NBEA: variants seen among roughly 807,000 people sequenced by gnomAD.
NBEA encodes the protein lysosomal-trafficking regulator 2.
Under a neutral mutation model 343.4 loss-of-function variants are expected in NBEA, and 44 were observed. The ratio of observed to expected loss-of-function variants is 0.13; its 90% CI spans 0.10 to 0.16. The LOEUF (loss-of-function observed/expected upper bound fraction) is 0.16, where lower values mean the gene tolerates loss of function less well. Among genes scored for constraint, NBEA ranks in the 10% least tolerant of loss-of-function variants. The pLI, the probability that NBEA is intolerant of heterozygous loss-of-function variation, is 1.00. For synonymous variants in NBEA, 1,175 were observed against 1,238.7 expected, an observed-to-expected ratio of 0.95 and a Z score of 1.08; for missense variants, 2,555 against 3,631.3, an observed-to-expected ratio of 0.70 and a Z score of 7.62.
chr13:34,944,303 C>G (rs1305459429), intron 1 of NBEA, among the ~76,000 whole-genome samples: 1 of 152,172 alleles, frequency 6.6e-6, no homozygotes, highest in South Asian at 2.1e-4. Flanking sequence ...TTTACTTACT[C>G]TATTGGAAAA....
At chr13:35,656,879 A>G (rs1182208624) in intron 55 of NBEA, among the ~76,000 whole-genome samples, 1 of 152,230 alleles carries the variant, frequency 6.6e-6, no homozygotes, top group Non-Finnish European at 1.5e-5. Flanking sequence ...AAACCTGTGC[A>G]TCTACAACTA....
intron 54 of NBEA, among the ~76,000 whole-genome samples, chr13:35,655,304 A>G (rs755699199): frequency 3.3e-5 from 5 of 152,330 alleles, no homozygotes; most frequent in Admixed American, 6.5e-5. Flanking sequence ...AACCCTGAAG[A>G]GAAAAATCGT....
chr13:34,988,248 A>G lies in NBEA; in HGVS notation c.294+45134A>G, dbSNP rs190415047. 1.7e-4 allele frequency among the ~76,000 whole-genome samples: 26 copies of G among 151,196 alleles called. No individual in the cohort carries two copies. In the South Asian group the frequency reaches 2.3e-3, roughly 13 times the overall value. On this transcript the variant is annotated intron_variant, in intron 1 of 58. Coordinates refer to ENST00000379939, the MANE Select transcript of NBEA (RefSeq NM_001385012.1). ...TGTCTCCCAGTTAGCCAGTTAGGCT[A>G]CACGGGGGTCAGGGAGGAGGTAGTC...
intron 45 of NBEA, among the ~76,000 whole-genome samples, chr13:35,576,787 G>T (rs767382161): frequency 4.1e-4 from 62 of 152,186 alleles, no homozygotes; most frequent in Non-Finnish European, 7.5e-4. Context: ...TGATTTATTT[G>T]CCAATAGCAT....
chr13:35,593,267 A>G, intron 46 of NBEA, 61 bp from the exon 47 acceptor site: 1 of 1,572,314 alleles, frequency 6.4e-7, no homozygotes, highest in Non-Finnish European at 8.6e-7. Context: ...CATGTTTCAC[A>G]AAGGAACGAG....
chr13:35,311,605 G>A (rs973437498), intron 36 of NBEA, among the ~76,000 whole-genome samples: 2 of 152,148 alleles, frequency 1.3e-5, no homozygotes, highest in African/African-American at 4.8e-5. Context: ...TGTAATCCCA[G>A]CACTTTGGGA....
In NBEA at chr13:35,606,529, T is replaced by C; in HGVS notation, c.7400T>C (p.Leu2467Pro). 6.2e-7 allele frequency: 1 copy of C among 1,608,390 alleles called. No homozygotes were observed. Among genetic ancestry groups the C allele is most frequent in the South Asian group, 1.1e-5 (1 of 90,270 alleles). The change falls in exon 48 of 59, where the codon CTT becomes CCT. Residue 2467 changes from leucine to proline, a missense_variant. Leu to Pro is a moderately conservative substitution (Grantham distance 98). Around this residue, in one of 21 missense-constraint regions of NBEA, gnomAD observed 156 missense variants for 185.8 expected, o/e 0.84. Transcript: ENST00000379939. Reference protein sequence around the residue: ...EDEVVVNDVDLPPWAKKPEDF... With the variant: ...EDEVVVNDVDPPPWAKKPEDF... ...GAAGTAGTGGTAAATGATGTTGATC[T>C]TCCCCCTTGGGCAAAAAAACCTGAA...
At chr13:35,218,276 T>A (rs1332268725) in intron 33 of NBEA, among the ~76,000 whole-genome samples, 1 of 152,138 alleles carries the variant, frequency 6.6e-6, no homozygotes, top group African/African-American at 2.4e-5. Flanking sequence ...AATTTTATAT[T>A]CTTATCATGT....
intron 1 of NBEA, among the ~76,000 whole-genome samples, chr13:34,971,881 CCTT>C (rs1251796236): frequency 6.6e-6 from 1 of 151,452 alleles, no homozygotes; most frequent in Non-Finnish European, 1.5e-5. Context: ...AGGAGTCCCT[CCTT>C]TTCAAATTTT....
At chr13:35,196,926 A>G (rs2072652926) in intron 31 of NBEA, among the ~76,000 whole-genome samples, 1 of 152,166 alleles carries the variant, frequency 6.6e-6, no homozygotes, top group African/African-American at 2.4e-5. Flanking sequence ...AACATGGCCC[A>G]TATGTCATAT....
chr13:35,422,263 GC>G (rs747417020), intron 38 of NBEA, among the ~76,000 whole-genome samples: 2 of 150,760 alleles, frequency 1.3e-5, no homozygotes, highest in Non-Finnish European at 3.0e-5. Context: ...TCGTCATTTA[GC>G]ATCAGGTATA....
chr13:35,293,591 T>C (rs985718539), intron 35 of NBEA, among the ~76,000 whole-genome samples: 1 of 152,024 alleles, frequency 6.6e-6, no homozygotes, highest in South Asian at 2.1e-4. Flanking sequence ...TCTTCTATCA[T>C]AGCTTTTTAA....
chr13:35,624,618 A>C (rs1403954461), intron 48 of NBEA, among the ~76,000 whole-genome samples: 1 of 152,114 alleles, frequency 6.6e-6, no homozygotes, highest in Non-Finnish European at 1.5e-5. Context: ...AAAAAGAATA[A>C]ATTCTAGCAC....
intron 52 of NBEA, among the ~76,000 whole-genome samples, chr13:35,650,782 T>C (rs1372604945): frequency 6.6e-6 from 1 of 152,142 alleles, no homozygotes; most frequent in African/African-American, 2.4e-5. Flanking sequence ...ACCAAATGAT[T>C]TAGTTGGCCC....
rs117154832 is a variant in NBEA, at chr13:35,212,462, A to G, written c.5648+1283A>G. On this transcript the variant is annotated intron_variant, in intron 33 of 58. Coordinates refer to ENST00000379939, the MANE Select transcript of NBEA (RefSeq NM_001385012.1). Reference sequence around the variant, plus strand: ...TAGTTATTACAAATAATACTGCTATATAGATAAGGCCACTTATAATTACTA... The same window carrying G: ...TAGTTATTACAAATAATACTGCTATGTAGATAAGGCCACTTATAATTACTA... Among the ~76,000 whole-genome samples the G allele has an allele frequency of 1.1e-3, 164 of 152,298 alleles. No homozygotes were observed. The East Asian group carries it at 0.02, about 19-fold the overall frequency.
chr13:35,308,462 A>ATGTG (rs1555361037), intron 35 of NBEA, among the ~76,000 whole-genome samples: 4 of 110,192 alleles, frequency 3.6e-5, no homozygotes, highest in African/African-American at 8.0e-5. Context: ...ATATATATAT[A>ATGTG]TATATATATA....
At chr13:35,193,018 ACT>A (rs1476330549) in intron 30 of NBEA, among the ~76,000 whole-genome samples, 3 of 151,704 alleles carry the variant, frequency 2.0e-5, no homozygotes, top group African/African-American at 2.4e-5. Flanking sequence ...TGATAATTAA[ACT>A]CTATAAAAAT....
chr13:34,998,282 G>T (rs2061005942), intron 1 of NBEA, among the ~76,000 whole-genome samples: 1 of 152,190 alleles, frequency 6.6e-6, no homozygotes, highest in Non-Finnish European at 1.5e-5. Context: ...CAGGGTAAAT[G>T]GAGGCAGGGT....
At chr13:35,527,505 C>A (rs1454654293) in intron 41 of NBEA, among the ~76,000 whole-genome samples, 4 of 152,210 alleles carry the variant, frequency 2.6e-5, no homozygotes. Context: ...TCAGCTACCC[C>A]CAGCCTCCCT....
Sources: allele counts gnomAD v4.1 joint callset (sites outside exome capture counted in the v4.1 genomes callset), GRCh38; gene constraint gnomAD v4.1.1; regional missense constraint gnomAD v4.1.1; transcripts MANE v1.5; gene names NCBI Gene and HGNC (gene_info 2026-07-23, HGNC 2026-07-21).